The following CERS6 variants were observed in gnomAD, a reference collection of about 807,000 sequenced individuals.
CERS6 encodes ceramide synthase 6.
Under a neutral mutation model 56.8 loss-of-function variants are expected in CERS6, and 26 were observed. That is an observed-to-expected ratio of 0.46 (90% CI 0.34 to 0.63). The LOEUF (loss-of-function observed/expected upper bound fraction) is 0.63, where lower values mean the gene tolerates loss of function less well. Ranked by LOEUF, CERS6 falls within the 30% of genes least tolerant of loss-of-function variation. The pLI is 0.01. For synonymous variants in CERS6, 164 were observed against 173.3 expected (o/e 0.95, Z 0.42); for missense variants, 415 against 467.5 (o/e 0.89, Z 1.04).
At chr2:168,656,245 TA>T (rs1363461859) in intron 4 of CERS6, among the ~76,000 whole-genome samples, 1 of 152,236 alleles carries the variant, frequency 6.6e-6, no homozygotes, top group Non-Finnish European at 1.5e-5. Context: ...GGGCCTAAAT[TA>T]AACCTTGTCA....
At chr2:168,470,479 A>G (rs894337377) in intron 1 of CERS6, among the ~76,000 whole-genome samples, 1 of 152,150 alleles carries the variant, frequency 6.6e-6, no homozygotes, top group Non-Finnish European at 1.5e-5. Context: ...AAAGGTGATT[A>G]AAAGGCTCCC....
intron 1 of CERS6, among the ~76,000 whole-genome samples, chr2:168,488,426 CCTTTA>C (rs1574016704): frequency 6.6e-6 from 1 of 151,962 alleles, no homozygotes; most frequent in East Asian, 1.9e-4. Context: ...GTTTCTTCAT[CCTTTA>C]CTTTTAATCT....
At chr2:168,691,213 G>A in intron 5 of CERS6, 129 bp downstream of exon 5, 1 of 763,070 alleles carries the variant, frequency 1.3e-6, no homozygotes, top group Non-Finnish European at 2.3e-6. Flanking sequence ...CCGCTGATCA[G>A]TGCTGGACAT....
At chr2:168,585,062 A>AGGT (rs1251434703) in intron 3 of CERS6, among the ~76,000 whole-genome samples, 1 of 152,266 alleles carries the variant, frequency 6.6e-6, no homozygotes, top group Non-Finnish European at 1.5e-5. Flanking sequence ...GAGCTATAAC[A>AGGT]GGTGGTTGAT....
At chr2:168,658,258 A>G (rs1193198680) in intron 4 of CERS6, among the ~76,000 whole-genome samples, 2 of 152,230 alleles carry the variant, frequency 1.3e-5, no homozygotes, top group Non-Finnish European at 2.9e-5. Flanking sequence ...ATCAGTAACT[A>G]TACAACAGGT....
intron 1 of CERS6, among the ~76,000 whole-genome samples, chr2:168,497,563 C>T (rs1694495327): frequency 6.6e-6 from 1 of 152,136 alleles, no homozygotes; most frequent in Non-Finnish European, 1.5e-5. Flanking sequence ...GTGAGGGAGC[C>T]AACAGTAAGT....
chr2:168,511,437 G>T (rs6739200), intron 1 of CERS6, among the ~76,000 whole-genome samples: 6,068 of 152,088 alleles, frequency 0.04, 220 homozygotes, highest in East Asian at 0.18. Context: ...TTGTCTTTTT[G>T]CTTCCTTTGT....
Position 168,666,314 on chromosome 2 carries a change from A to G in CERS6, c.466-24720A>G, listed in dbSNP as rs74852439. On this transcript the variant is annotated intron_variant, in intron 4 of 9. Coordinates refer to ENST00000305747, the MANE Select transcript of CERS6 (RefSeq NM_203463.3). The stretch of plus-strand genomic sequence containing the variant: ...TAAAAATTTTCTTCTCTGCCTGTTC[A>G]TCCCTTCCTTCCTCCCTAGACCTGG... 7.1e-3 allele frequency among the ~76,000 whole-genome samples: 1,086 copies of G among 152,252 alleles called. 17 individuals carry two copies. The highest frequency in any genetic ancestry group is 0.025 in the African/African-American group (1,041 of 41,530).
chr2:168,767,439 A>T (rs12692886), intron 9 of CERS6, among the ~76,000 whole-genome samples: 123,330 of 152,274 alleles, frequency 0.81, 50,520 homozygotes, highest in East Asian at 0.99. Context: ...AATGGACTTA[A>T]CAACATAGTG....
intron 4 of CERS6, among the ~76,000 whole-genome samples, chr2:168,671,091 G>T (rs1685905854): frequency 6.6e-6 from 1 of 150,996 alleles, no homozygotes; most frequent in South Asian, 2.1e-4. Context: ...CTCCCGAGTA[G>T]CTGGGACTAC....
intron 4 of CERS6, among the ~76,000 whole-genome samples, chr2:168,643,135 C>CT (rs1685087667): frequency 6.6e-6 from 1 of 152,220 alleles, no homozygotes; most frequent in Admixed American, 6.5e-5. Flanking sequence ...AGAACTAGCT[C>CT]TGTTTACTTT....
chr2:168,694,321 G>T (rs1686581752), intron 5 of CERS6, among the ~76,000 whole-genome samples: 1 of 152,118 alleles, frequency 6.6e-6, no homozygotes, highest in Non-Finnish European at 1.5e-5. Context: ...AGTAAACTAA[G>T]ACCCAAGTTT....
chr2:168,514,214 C>T (rs911502437), intron 1 of CERS6, among the ~76,000 whole-genome samples: 4 of 152,174 alleles, frequency 2.6e-5, no homozygotes, highest in Non-Finnish European at 4.4e-5. Flanking sequence ...CCCTTCTTTG[C>T]TCCCCATGGC....
intron 4 of CERS6, among the ~76,000 whole-genome samples, chr2:168,674,860 G>A (rs1368167013): frequency 6.6e-6 from 1 of 152,068 alleles, no homozygotes; most frequent in Non-Finnish European, 1.5e-5. Context: ...AATTATACAG[G>A]ATCTTAAATA....
chr2:168,734,443 T>A (rs1422560278), intron 8 of CERS6, among the ~76,000 whole-genome samples: 1 of 152,196 alleles, frequency 6.6e-6, no homozygotes, highest in African/African-American at 2.4e-5. Flanking sequence ...GTATAATTTA[T>A]GCCACTATAA....
At chr2:168,767,889 C>G (rs1173088242) in intron 9 of CERS6, among the ~76,000 whole-genome samples, 5 of 152,168 alleles carry the variant, frequency 3.3e-5, no homozygotes, top group African/African-American at 1.2e-4. Context: ...TGGGAAAATT[C>G]CTATGAAGGG....
chr2:168,657,791 A>G (rs1234406892), intron 4 of CERS6, among the ~76,000 whole-genome samples: 2 of 152,176 alleles, frequency 1.3e-5, no homozygotes, highest in Admixed American at 6.5e-5. Flanking sequence ...CAAGCGCCGC[A>G]CGCAGCCCCG....
At chr2:168,645,788 G>A (rs1178511927) in intron 4 of CERS6, among the ~76,000 whole-genome samples, 2 of 152,078 alleles carry the variant, frequency 1.3e-5, no homozygotes, top group African/African-American at 4.8e-5. Flanking sequence ...AGAAGATGTG[G>A]TATTTGGTTT....
chr2:168,590,400 CTT>C (rs1273512047), intron 3 of CERS6, among the ~76,000 whole-genome samples: 1 of 152,078 alleles, frequency 6.6e-6, no homozygotes, highest in Non-Finnish European at 1.5e-5. Flanking sequence ...AACTATCAGA[CTT>C]ATATACACGT....
Sources: gnomAD v4.1 joint callset for allele counts (sites outside exome capture counted in the v4.1 genomes callset) on GRCh38, gnomAD v4.1.1 for gene constraint, MANE v1.5 for transcripts, NCBI Gene and HGNC (gene_info 2026-07-23, HGNC 2026-07-21) for gene names.